WDR1: variants seen among roughly 807,000 people sequenced by gnomAD.
The protein encoded by WDR1 is WD repeat-containing protein 1.
Under a neutral mutation model 71.9 loss-of-function variants are expected in WDR1, and 21 were observed. That is an observed-to-expected ratio of 0.29 (90% CI 0.21 to 0.42). The LOEUF is 0.42. Among genes scored for constraint, WDR1 ranks in the 10% least tolerant of loss-of-function variants. The pLI is 1.00. For synonymous variants in WDR1, 424 were observed against 347.4 expected (o/e 1.22, Z -2.45); for missense variants, 696 against 824.5 (o/e 0.84, Z 1.91).
intron 2 of WDR1, among the ~76,000 whole-genome samples, chr4:10,113,656 G>C (rs1474088464): frequency 3.9e-5 from 6 of 152,220 alleles, no homozygotes; most frequent in African/African-American, 1.4e-4. Flanking sequence ...CGGGAGTCTG[G>C]GGGCAATAAG....
intron 2 of WDR1, among the ~76,000 whole-genome samples, chr4:10,105,969 T>C (rs765661100): frequency 1.8e-4 from 27 of 152,220 alleles, no homozygotes; most frequent in Non-Finnish European, 3.5e-4. Flanking sequence ...CAGCTATCAA[T>C]CGCCAACATG....
chr4:10,116,068 A>T, intron 2 of WDR1, 45 bp downstream of exon 2: 2 of 1,596,410 alleles, frequency 1.3e-6, no homozygotes, highest in Non-Finnish European at 1.7e-6. Flanking sequence ...TCCCATCCCA[A>T]GGTGGCTCCG....
chr4:10,075,284 G>T lies in WDR1; in HGVS notation c.*94C>A. On this transcript the variant is annotated 3_prime_UTR_variant, in exon 15 of 15. Transcript: ENST00000499869. ...GCCTCTTGTGGTGGGGTGGGGGCAT[G>T]GGGGCGCGTCACAGAAATAGAGAAA... is the stretch of plus-strand genomic sequence containing the variant. 8.8e-7 allele frequency: 1 copy of T among 1,141,198 alleles called. No individual in the cohort carries two copies. The highest frequency in any genetic ancestry group is 1.3e-6 in the Non-Finnish European group (1 of 780,176). The allele number at this position is 1,141,198 out of a possible 1,614,324, so 70.7% of individuals were successfully genotyped here. A position where few individuals can be genotyped will look rare whatever the true frequency, so the allele number is the denominator to read the frequency against.
At chr4:10,083,976 G>A (rs2109647596) in intron 9 of WDR1, among the ~76,000 whole-genome samples, 1 of 152,332 alleles carries the variant, frequency 6.6e-6, no homozygotes, top group Middle Eastern at 3.4e-3. Flanking sequence ...CATGACTCTG[G>A]GGCGGGCACA....
At position 10,075,428 on chromosome 4, in the gene WDR1, C is replaced by G. The variant is rs750736518; in HGVS notation, c.1771G>C (p.Val591Leu). The G allele has an allele frequency of 3.1e-6, 5 of 1,613,860 alleles. No homozygotes were observed. Among genetic ancestry groups the G allele is most frequent in the Middle Eastern group, 1.6e-4 (1 of 6,084 alleles). Residue 591 changes from valine (V) to leucine (L), a missense_variant, in exon 15 of 15, where the codon GTC becomes CTC. Physicochemically the swap from Val to Leu is conservative, Grantham distance 32. Coordinates refer to ENST00000499869, the MANE Select transcript of WDR1 (RefSeq NM_017491.5). Reference sequence around the variant, plus strand: ...ACAGAGGCATCATGGGAGGTCGTGACCAGCGTGTGCTCGTCCAGCCAGGCC... The same window carrying G: ...ACAGAGGCATCATGGGAGGTCGTGAGCAGCGTGTGCTCGTCCAGCCAGGCC... ...SLAWLDEHTL[V>L]TTSHDASVKE...
chr4:10,095,678 T>C (rs917003434), intron 5 of WDR1, among the ~76,000 whole-genome samples: 7 of 152,190 alleles, frequency 4.6e-5, no homozygotes, highest in African/African-American at 1.4e-4. Context: ...GTCCTTCCTA[T>C]GCGTGGGCAG....
Position 10,075,225 on chromosome 4 carries a change from C to T in WDR1, c.*153G>A. On this transcript the variant is annotated 3_prime_UTR_variant, in exon 15 of 15. Transcript: ENST00000499869. ...CTTTCAGAAGAACGTGTACAGACAC[C>T]CTGCAGAGACGAGGGTCATGACTGG... 1 of 643,658 alleles carries T rather than the reference C, an allele frequency of 1.6e-6. No homozygotes were observed. Among genetic ancestry groups the T allele is most frequent in the Non-Finnish European group, 2.8e-6 (1 of 361,194 alleles). The allele number at this position is 643,658 out of a possible 1,614,324, so 39.9% of individuals were successfully genotyped here.
intron 2 of WDR1, among the ~76,000 whole-genome samples, chr4:10,104,340 C>G (rs1712894829): frequency 1.3e-5 from 2 of 152,184 alleles, no homozygotes; most frequent in African/African-American, 4.8e-5. Flanking sequence ...TCTAATCCCT[C>G]CCATTTGTGG....
intron 10 of WDR1, among the ~76,000 whole-genome samples, chr4:10,082,333 G>A (rs1321554971): frequency 1.3e-5 from 2 of 151,612 alleles, no homozygotes; most frequent in East Asian, 3.9e-4. Context: ...CAGGCAACAC[G>A]ACTTAGGCAG....
intron 5 of WDR1, among the ~76,000 whole-genome samples, chr4:10,096,788 C>T (rs953410051): frequency 3.2e-5 from 3 of 93,454 alleles, no homozygotes; most frequent in South Asian, 2.9e-4. Context: ...AAACCACTGA[C>T]GGTTCCAAGA....
chr4:10,110,940 T>C lies in WDR1; in HGVS notation c.138+5173A>G, dbSNP rs141484434. On this transcript the variant is annotated intron_variant, in intron 2 of 14. Coordinates refer to ENST00000499869, the MANE Select transcript of WDR1 (RefSeq NM_017491.5). Reference sequence around the variant, plus strand: ...TGAAAATCACTGATTTTAATCCTGGTCCTCTGTGGCTTAGGGTATGGCTTG... The same window carrying C: ...TGAAAATCACTGATTTTAATCCTGGCCCTCTGTGGCTTAGGGTATGGCTTG... Among the ~76,000 whole-genome samples, 1,270 of 152,320 alleles carry C rather than the reference T, an allele frequency of 8.3e-3. 47 individuals carry two copies. The highest frequency in any genetic ancestry group is 0.082 in the East Asian group (423 of 5,180).
intron 2 of WDR1, among the ~76,000 whole-genome samples, chr4:10,111,119 C>A (rs1432303140): frequency 2.6e-5 from 4 of 151,914 alleles, no homozygotes; most frequent in Non-Finnish European, 5.9e-5. Flanking sequence ...CTTCTCCTTA[C>A]CGTAGGCTGG....
In WDR1 at chr4:10,077,770, C is replaced by T. The variant is rs1255779655; in HGVS notation, c.1552G>A (p.Val518Ile). 7 of 1,597,290 alleles carry T rather than the reference C, an allele frequency of 4.4e-6. No individual in the cohort carries two copies. Among genetic ancestry groups the T allele is most frequent in the Non-Finnish European group, 6.0e-6 (7 of 1,171,824 alleles). Residue 518 changes from valine to isoleucine, a missense_variant, in exon 13 of 15, where the codon GTT becomes ATT. By Grantham distance (29) the Val-to-Ile change is conservative. Transcript: ENST00000499869. ...DASKVVTVFSVADGYSENNVF... is the reference protein window; with the variant it reads ...DASKVVTVFSIADGYSENNVF... ...CCACTCACCGAGTAGCCGTCAGCAA[C>T]GCTGAACACTGTGACCACCTTGCTG...
rs1031864822 is a variant in WDR1 at position 10,087,019 on chromosome 4, C to CA, written c.951+687_951+688insT. ...GGGTGGAGGGAGAAGGCAGGACCCC[C>CA]CCAGCCAATGGAACACAGGGAGCCT... On this transcript the variant is annotated intron_variant, in intron 8 of 14. Coordinates refer to ENST00000499869, the MANE Select transcript of WDR1 (RefSeq NM_017491.5). Among the ~76,000 whole-genome samples, 7 of 152,278 alleles carry CA rather than the reference C, an allele frequency of 4.6e-5. 1 individual carries two copies. Among genetic ancestry groups the CA allele is most frequent in the Admixed American group, 3.9e-4 (6 of 15,298 alleles).
At position 10,116,206 on chromosome 4, in the gene WDR1, C is replaced by T; in HGVS notation, c.45G>A (p.Val15=). 5 of 1,613,716 alleles carry T rather than the reference C, an allele frequency of 3.1e-6. No individual in the cohort carries two copies. Among genetic ancestry groups the T allele is most frequent in the Non-Finnish European group, 4.2e-6 (5 of 1,179,828 alleles). Residue 15 remains valine, a synonymous_variant, in exon 2 of 15, where the codon GTG becomes GTA. Coordinates refer to ENST00000499869, the MANE Select transcript of WDR1 (RefSeq NM_017491.5). The part of the protein sequence containing the change: ...IKKVFASLPQ[V]ERGVSKIIGG... ...CGATGATCTTGGAGACGCCCCTCTC[C>T]ACCTGCGGGAGGCTGGCGAACACCT...
intron 5 of WDR1, among the ~76,000 whole-genome samples, chr4:10,091,135 A>G (rs929421650): frequency 1.3e-5 from 2 of 152,262 alleles, no homozygotes; most frequent in African/African-American, 4.8e-5. Context: ...AGGGCTCACT[A>G]GGAGATGGAA....
Position 10,083,653 on chromosome 4 carries a change from T to C in WDR1, c.1040-475A>G, listed in dbSNP as rs140941205. On this transcript the variant is annotated intron_variant, in intron 9 of 14. Coordinates refer to ENST00000499869, the MANE Select transcript of WDR1 (RefSeq NM_017491.5). ...AAAGGCAGTCTCCAACACAGCACGGTGCTCAGGGAGGGCAGCAGAACAACG... is the reference window on the plus strand; with the variant it reads ...AAAGGCAGTCTCCAACACAGCACGGCGCTCAGGGAGGGCAGCAGAACAACG... 3,083 of 479,330 alleles carry C rather than the reference T, an allele frequency of 6.4e-3. 75 individuals carry two copies. In the East Asian group the frequency reaches 0.071, roughly 11 times the overall value. 29.7% of individuals were successfully genotyped at this position (479,330 alleles called of 1,614,324 possible).
At chr4:10,088,762 G>A in intron 5 of WDR1, 21 bp from the exon 6 acceptor site, 1 of 1,567,796 alleles carries the variant, frequency 6.4e-7, no homozygotes, top group South Asian at 1.2e-5. Context: ...ACAATTACCT[G>A]CCTGATGAGG....
intron 3 of WDR1, among the ~76,000 whole-genome samples, chr4:10,101,012 C>T (rs1046579905): frequency 2.8e-4 from 43 of 152,372 alleles, no homozygotes; most frequent in Admixed American, 2.3e-3. Context: ...CTGAAAGAGG[C>T]GCCTTCCTCC....
Sources: allele counts gnomAD v4.1 joint callset (sites outside exome capture counted in the v4.1 genomes callset), GRCh38; gene constraint gnomAD v4.1.1; transcripts MANE v1.5; gene names NCBI Gene and HGNC (gene_info 2026-07-23, HGNC 2026-07-21).